The following AGMO variants were observed in gnomAD, a reference collection of about 807,000 sequenced individuals.
AGMO encodes alkylglycerol monooxygenase.
A neutral mutation model predicts 60.2 loss-of-function variants in AGMO; 75 were observed. That is an observed-to-expected ratio of 1.25 (90% CI 1.03 to 1.51). The LOEUF is 1.51. Ranked by LOEUF, AGMO falls within the 40% of genes most tolerant of loss-of-function variation. The probability of loss-of-function intolerance (pLI) is 0.00; values close to 1 mark genes in which losing one functional copy is unlikely to be tolerated. For missense variants in AGMO, 763 were observed against 525.5 expected (o/e 1.45, Z -4.42); for synonymous variants, 261 against 177.1 (o/e 1.47, Z -3.76).
At position 15,560,025 on chromosome 7, in the gene AGMO, ATT is replaced by A. The variant is rs1012065086; in HGVS notation, c.257+114_257+115del. Reference sequence around the variant, plus strand: ...AATTTTAAATAATGACATGAACTGAATTTTTTGGGAAAATTTGTGTAAATAAA... The same window carrying A: ...AATTTTAAATAATGACATGAACTGAATTTTGGGAAAATTTGTGTAAATAAA... On this transcript the variant is annotated intron_variant, in intron 2 of 12. Transcript: ENST00000342526. 18 of 1,076,678 alleles carry A rather than the reference ATT, an allele frequency of 1.7e-5. No homozygotes were observed. The African/African-American group carries it at 2.7e-4, about 16-fold the overall frequency. The allele number at this position is 1,076,678 out of a possible 1,614,324, so 66.7% of individuals were successfully genotyped here.
intron 3 of AGMO, among the ~76,000 whole-genome samples, chr7:15,444,252 T>C (rs1000519616): frequency 1.2e-4 from 19 of 152,202 alleles, no homozygotes; most frequent in Admixed American, 9.8e-4. Flanking sequence ...GTATTTTTGT[T>C]AGCAAAATTA....
At chr7:15,397,234 C>G (rs562713393) in intron 5 of AGMO, among the ~76,000 whole-genome samples, 19 of 152,146 alleles carry the variant, frequency 1.2e-4, no homozygotes, top group Non-Finnish European at 2.2e-4. Context: ...GAAGAGGGAA[C>G]GGCGGTCCGC....
chr7:15,268,960 C>A (rs7796519), intron 12 of AGMO, among the ~76,000 whole-genome samples: 46,945 of 151,868 alleles, frequency 0.31, 11,076 homozygotes, highest in African/African-American at 0.66. Context: ...TATAAACAAA[C>A]AATGAGGCCA....
intron 2 of AGMO, among the ~76,000 whole-genome samples, chr7:15,547,116 C>A (rs1784803327): frequency 6.7e-6 from 1 of 149,972 alleles, no homozygotes; most frequent in Non-Finnish European, 1.5e-5. Flanking sequence ...TTTCAAGAGC[C>A]TTTCCTGTGC....
chr7:15,386,841 A>G (rs1315043538), intron 9 of AGMO, among the ~76,000 whole-genome samples: 1 of 151,940 alleles, frequency 6.6e-6, no homozygotes, highest in African/African-American at 2.4e-5. Flanking sequence ...TTAAAACTGA[A>G]TTTTTCATTT....
chr7:15,532,941 A>C (rs779534771), intron 3 of AGMO, among the ~76,000 whole-genome samples: 15 of 152,144 alleles, frequency 9.9e-5, no homozygotes, highest in Admixed American at 2.6e-4. Flanking sequence ...CAATGAGCCG[A>C]GATCATGCCA....
At chr7:15,238,448 TTTGAG>T (rs1782490998) in intron 12 of AGMO, among the ~76,000 whole-genome samples, 1 of 151,788 alleles carries the variant, frequency 6.6e-6, no homozygotes, top group African/African-American at 2.4e-5. Flanking sequence ...AAAATAAATA[TTTGAG>T]TTGATAGATA....
At chr7:15,445,411 A>G (rs1298179132) in intron 3 of AGMO, among the ~76,000 whole-genome samples, 1 of 152,154 alleles carries the variant, frequency 6.6e-6, no homozygotes, top group Non-Finnish European at 1.5e-5. Context: ...ATATTATCAC[A>G]TGATATATTG....
chr7:15,366,709 T>G (rs1782998456), intron 10 of AGMO, among the ~76,000 whole-genome samples: 1 of 152,068 alleles, frequency 6.6e-6, no homozygotes, highest in African/African-American at 2.4e-5. Flanking sequence ...ACACTCATAT[T>G]TGATTCAATC....
intron 4 of AGMO, among the ~76,000 whole-genome samples, chr7:15,424,870 G>A (rs1182305248): frequency 6.6e-6 from 1 of 152,146 alleles, no homozygotes; most frequent in Non-Finnish European, 1.5e-5. Flanking sequence ...TTACATCAAA[G>A]TTGTTAGTTT....
At chr7:15,326,722 A>G (rs573705138) in intron 12 of AGMO, among the ~76,000 whole-genome samples, 16 of 152,336 alleles carry the variant, frequency 1.1e-4, no homozygotes, top group African/African-American at 3.8e-4. Flanking sequence ...TAAGCTTCAA[A>G]AATACAAATG....
At chr7:15,228,599 G>C (rs1782159320) in intron 12 of AGMO, among the ~76,000 whole-genome samples, 1 of 152,016 alleles carries the variant, frequency 6.6e-6, no homozygotes, top group South Asian at 2.1e-4. Flanking sequence ...GAAAGAGCAA[G>C]TCATTAAGAG....
downstream of AGMO, among the ~76,000 whole-genome samples, chr7:15,198,263 C>CAGAGAGAGAG (rs1331531844): frequency 1.6e-5 from 1 of 60,936 alleles, no homozygotes; most frequent in Admixed American, 1.9e-4. Context: ...GAGACAGAGA[C>CAGAGAGAGAG]AGAGAGAGAG....
Position 15,496,442 on chromosome 7 carries a change from T to G in AGMO, c.409+48330A>C, listed in dbSNP as rs73292338. ...ATGCTTAATATCTATTATAAAAGGC[T>G]TAGATTCCCTAAACTCAGGGTTTCT... On this transcript the variant is annotated intron_variant, in intron 3 of 12. Coordinates refer to ENST00000342526, the MANE Select transcript of AGMO (RefSeq NM_001004320.2). Among the ~76,000 whole-genome samples, 1,376 of 152,212 alleles carry G rather than the reference T, an allele frequency of 9.0e-3. 22 individuals are homozygous for G. Among genetic ancestry groups the G allele is most frequent in the African/African-American group, 0.029 (1,215 of 41,518 alleles).
intron 12 of AGMO, among the ~76,000 whole-genome samples, chr7:15,353,952 C>G (rs1053829850): frequency 4.6e-5 from 7 of 152,052 alleles, no homozygotes; most frequent in Non-Finnish European, 1.0e-4. Flanking sequence ...TTTAAAAACC[C>G]ATACAAAGCC....
chr7:15,539,467 G>A lies in AGMO; in HGVS notation c.409+5305C>T, dbSNP rs1343210726. On this transcript the variant is annotated intron_variant, in intron 3 of 12. Coordinates refer to ENST00000342526, the MANE Select transcript of AGMO (RefSeq NM_001004320.2). Reference sequence around the variant, plus strand: ...CTATCCATGTTGCTGCAAAGGACATGATCTCTTTCTTTTTTATGACTGCAT... The same window carrying A: ...CTATCCATGTTGCTGCAAAGGACATAATCTCTTTCTTTTTTATGACTGCAT... Among the ~76,000 whole-genome samples the A allele has an allele frequency of 1.2e-4, 14 of 113,880 alleles. No individual in the cohort carries two copies. The South Asian group carries it at 3.4e-3, about 27-fold the overall frequency. 74.7% of individuals were successfully genotyped at this position (113,880 alleles called of 152,430 possible). A position where few individuals can be genotyped will look rare whatever the true frequency, so the allele number is the denominator to read the frequency against.
intron 3 of AGMO, among the ~76,000 whole-genome samples, chr7:15,476,982 C>T (rs1782608147): frequency 6.6e-6 from 1 of 152,028 alleles, no homozygotes; most frequent in African/African-American, 2.4e-5. Flanking sequence ...ATGATCATGA[C>T]CAGCTTATTA....
downstream of AGMO, among the ~76,000 whole-genome samples, chr7:15,198,766 C>T (rs1781200217): frequency 6.6e-6 from 1 of 152,022 alleles, no homozygotes. Context: ...GCCACAAGAC[C>T]AGATGAGTCA....
intron 3 of AGMO, among the ~76,000 whole-genome samples, chr7:15,473,143 T>C (rs572497917): frequency 2.0e-4 from 30 of 151,658 alleles, no homozygotes; most frequent in Non-Finnish European, 3.4e-4. Context: ...AACTAGAAAA[T>C]CTAGAAGAAA....
Sources: allele counts gnomAD v4.1 joint callset (sites outside exome capture counted in the v4.1 genomes callset), GRCh38; gene constraint gnomAD v4.1.1; transcripts MANE v1.5; gene names NCBI Gene and HGNC (gene_info 2026-07-23, HGNC 2026-07-21).